The following SGCZ variants were observed in gnomAD, a reference collection of about 807,000 sequenced individuals.
The protein encoded by SGCZ is zeta-sarcoglycan.
Under a neutral mutation model 41.3 loss-of-function variants are expected in SGCZ, and 40 were observed. That is an observed-to-expected ratio of 0.97 (90% confidence interval 0.75 to 1.26). The LOEUF (loss-of-function observed/expected upper bound fraction) is 1.26. Among genes scored for constraint, SGCZ ranks in the 50% most tolerant of loss-of-function variants. The pLI, the probability that SGCZ is intolerant of heterozygous loss-of-function variation, is 0.00. For missense variants in SGCZ, 552 were observed against 369.8 expected (o/e 1.49, Z -4.04); for synonymous variants, 206 against 137.5 (o/e 1.50, Z -3.49).
chr8:14,690,355 A>T (rs1385640244), intron 1 of SGCZ: 1 of 151,982 alleles, frequency 6.6e-6, no homozygotes, highest in African/African-American at 2.4e-5. Flanking sequence ...TGGGCTTGCT[A>T]GGGTCCCAGC....
At chr8:14,768,712 T>C (rs922902087) in intron 1 of SGCZ, among the ~76,000 whole-genome samples, 18 of 151,996 alleles carry the variant, frequency 1.2e-4, no homozygotes, top group Admixed American at 3.9e-4. Flanking sequence ...TCACTAATTT[T>C]GTAATATGCT....
chr8:15,009,331 A>G (rs1236131835), intron 1 of SGCZ, among the ~76,000 whole-genome samples: 1 of 152,256 alleles, frequency 6.6e-6, no homozygotes, highest in African/African-American at 2.4e-5. Context: ...CTCACTCACT[A>G]TCACAAGAAC....
chr8:14,876,380 T>C (rs530653578), intron 1 of SGCZ, among the ~76,000 whole-genome samples: 2 of 152,260 alleles, frequency 1.3e-5, no homozygotes, highest in East Asian at 3.9e-4. Context: ...TAGCTGTAAA[T>C]ATCAACTTTG....
intron 3 of SGCZ, among the ~76,000 whole-genome samples, chr8:14,245,959 G>A (rs1799071368): frequency 1.3e-5 from 2 of 152,310 alleles, no homozygotes; most frequent in African/African-American, 2.4e-5. Context: ...AGGTGCTGGA[G>A]AGGATGTGGA....
intron 4 of SGCZ, among the ~76,000 whole-genome samples, chr8:14,224,642 T>C (rs766002113): frequency 2.6e-5 from 4 of 152,160 alleles, no homozygotes; most frequent in African/African-American, 9.7e-5. Flanking sequence ...TAAGTTCATA[T>C]CTGTGGAAGG....
At chr8:14,993,513 A>T (rs574616985) in intron 1 of SGCZ, among the ~76,000 whole-genome samples, 41 of 152,222 alleles carry the variant, frequency 2.7e-4, no homozygotes, top group Admixed American at 4.6e-4. Context: ...CTATGAAGAA[A>T]AACAAAGGAA....
intron 1 of SGCZ, among the ~76,000 whole-genome samples, chr8:15,140,010 C>T (rs268422): frequency 0.87 from 131,758 of 151,994 alleles, 57,223 homozygotes; most frequent in East Asian, 0.93. Flanking sequence ...GGGACGGACA[C>T]TGGTTATAAA....
At chr8:14,851,851 T>C (rs2130655579) in intron 1 of SGCZ, among the ~76,000 whole-genome samples, 1 of 152,276 alleles carries the variant, frequency 6.6e-6, no homozygotes, top group South Asian at 2.1e-4. Flanking sequence ...TTCATGACTT[T>C]TCCTCCGAGA....
At chr8:14,373,389 G>C (rs761982859) in intron 2 of SGCZ, among the ~76,000 whole-genome samples, 3 of 152,144 alleles carry the variant, frequency 2.0e-5, no homozygotes, top group Non-Finnish European at 4.4e-5. Flanking sequence ...TCAAAAGAGA[G>C]ATATGGGCTA....
intron 1 of SGCZ, among the ~76,000 whole-genome samples, chr8:14,813,304 T>C (rs1056751103): frequency 6.6e-6 from 1 of 152,170 alleles, no homozygotes; most frequent in Non-Finnish European, 1.5e-5. Flanking sequence ...TTTTTTAATA[T>C]AATCTCTATT....
At chr8:15,194,255 T>C (rs1294796620) in intron 1 of SGCZ, among the ~76,000 whole-genome samples, 1 of 150,376 alleles carries the variant, frequency 6.6e-6, no homozygotes, top group Non-Finnish European at 1.5e-5. Flanking sequence ...GTATAACTCA[T>C]GGAGACTGAA....
At chr8:14,446,961 A>G (rs1800450999) in intron 2 of SGCZ, among the ~76,000 whole-genome samples, 1 of 152,240 alleles carries the variant, frequency 6.6e-6, no homozygotes, top group South Asian at 2.1e-4. Context: ...CCAAAAGATT[A>G]ACTTTCAAGC....
intron 1 of SGCZ, among the ~76,000 whole-genome samples, chr8:14,614,979 C>G (rs1806050186): frequency 7.1e-6 from 1 of 141,422 alleles, no homozygotes; most frequent in Non-Finnish European, 1.6e-5. Flanking sequence ...CACATGTACA[C>G]ACATATGTGT....
At chr8:14,573,501 T>A (rs995568914) in intron 1 of SGCZ, among the ~76,000 whole-genome samples, 2 of 152,100 alleles carry the variant, frequency 1.3e-5, no homozygotes, top group South Asian at 2.1e-4. Flanking sequence ...AGTCTTTTTT[T>A]ATTCTATTAA....
At chr8:14,981,397 G>A (rs1049991786) in intron 1 of SGCZ, among the ~76,000 whole-genome samples, 2 of 152,212 alleles carry the variant, frequency 1.3e-5, no homozygotes, top group African/African-American at 4.8e-5. Context: ...GTGAGTCACT[G>A]AGAGAAGAAT....
At chr8:14,919,645 C>T (rs548743376) in intron 1 of SGCZ, among the ~76,000 whole-genome samples, 3 of 151,592 alleles carry the variant, frequency 2.0e-5, no homozygotes, top group African/African-American at 4.8e-5. Flanking sequence ...AAGCTGGGTG[C>T]GATGGCTCAC....
chr8:14,169,347 T>C (rs1336147983), intron 4 of SGCZ, among the ~76,000 whole-genome samples: 1 of 152,180 alleles, frequency 6.6e-6, no homozygotes, highest in Non-Finnish European at 1.5e-5. Flanking sequence ...AAGCATCTTA[T>C]TGAACACCAT....
chr8:15,085,325 G>C (rs139252513), intron 1 of SGCZ, among the ~76,000 whole-genome samples: 8 of 152,126 alleles, frequency 5.3e-5, no homozygotes, highest in Non-Finnish European at 1.2e-4. Flanking sequence ...AATTACCTTT[G>C]ACTTACAGAA....
At chr8:15,110,915 C>G (rs1054441823) in intron 1 of SGCZ, among the ~76,000 whole-genome samples, 1 of 152,058 alleles carries the variant, frequency 6.6e-6, no homozygotes, top group Non-Finnish European at 1.5e-5. Context: ...TTGCAGTGAG[C>G]TGAGGTCGCG....
Sources: gnomAD v4.1 joint callset for allele counts (sites outside exome capture counted in the v4.1 genomes callset) on GRCh38, gnomAD v4.1.1 for gene constraint, MANE v1.5 for transcripts, NCBI Gene and HGNC (gene_info 2026-07-23, HGNC 2026-07-21) for gene names.